MAP4K3: variants seen among roughly 807,000 people sequenced by gnomAD.
MAP4K3 encodes the protein mitogen-activated protein kinase kinase kinase kinase 3, also known as MAPK/ERK kinase kinase kinase 3.
MAP4K3 carries 94 observed loss-of-function variants against 143.5 expected under a neutral mutation model. The observed-to-expected ratio is 0.65, with a 90% CI of 0.55 to 0.78. The LOEUF is 0.78. Among genes scored for constraint, MAP4K3 ranks in the 30% least tolerant of loss-of-function variants. The pLI, the probability that MAP4K3 is intolerant of heterozygous loss-of-function variation, is 0.00. For missense variants in MAP4K3, 1,077 were observed against 1,068.1 expected, an observed-to-expected ratio of 1.01 and a Z score of -0.12; for synonymous variants, 416 against 347.2, an observed-to-expected ratio of 1.20 and a Z score of -2.20.
At chr2:39,350,857 A>G (rs1179174900) in intron 3 of MAP4K3, among the ~76,000 whole-genome samples, 1 of 152,090 alleles carries the variant, frequency 6.6e-6, no homozygotes, top group Non-Finnish European at 1.5e-5. Context: ...TATCTACTCC[A>G]ACTACACGTG....
chr2:39,405,698 T>C (rs1455162774), intron 1 of MAP4K3, among the ~76,000 whole-genome samples: 2 of 152,064 alleles, frequency 1.3e-5, no homozygotes, highest in Admixed American at 6.5e-5. Context: ...TGAAATGCCG[T>C]GTCTACAAAA....
rs56310841 is a variant in MAP4K3, at chr2:39,258,590, A to G, written c.2309-3T>C. On this transcript the variant is annotated splice_region_variant and splice_polypyrimidine_tract_variant and intron_variant, in intron 29 of 33. Transcript: ENST00000263881. ...AGTAACATTTGTCTGTGGGGTATCT[A>G]CAATACAAACAAATTTTGGTAAACC... 5.1e-4 allele frequency: 817 copies of G among 1,608,552 alleles called. 1 individual carries two copies. The African/African-American group carries it at 9.8e-3, about 19-fold the overall frequency.
chr2:39,339,921 T>C (rs1298499513), intron 4 of MAP4K3, among the ~76,000 whole-genome samples: 2 of 151,962 alleles, frequency 1.3e-5, no homozygotes, highest in African/African-American at 4.8e-5. Flanking sequence ...TCCAAAATTA[T>C]AAAATAAGTG....
intron 1 of MAP4K3, among the ~76,000 whole-genome samples, chr2:39,388,116 C>G (rs1359672660): frequency 6.6e-6 from 1 of 152,130 alleles, no homozygotes; most frequent in Admixed American, 6.5e-5. Context: ...GCAGACCACA[C>G]TAATAATATG....
At chr2:39,299,877 T>C (rs1682438591) in intron 15 of MAP4K3, 76 bp from the exon 16 acceptor site, 2 of 533,502 alleles carry the variant, frequency 3.7e-6, no homozygotes, top group Non-Finnish European at 3.1e-6. Flanking sequence ...ATATAATACA[T>C]ATTATTTTTA....
intron 15 of MAP4K3, among the ~76,000 whole-genome samples, chr2:39,301,330 C>CT (rs1166846415): frequency 6.6e-6 from 1 of 152,182 alleles, no homozygotes; most frequent in Non-Finnish European, 1.5e-5. Flanking sequence ...CATCTGTACT[C>CT]TTTAATTTGT....
chr2:39,427,295 T>C (rs534031877), intron 1 of MAP4K3, among the ~76,000 whole-genome samples: 51 of 151,952 alleles, frequency 3.4e-4, no homozygotes, highest in Non-Finnish European at 3.8e-4. Context: ...GTTTACCTTA[T>C]ACAGTTCCTC....
At chr2:39,267,913 C>T (rs1025324130) in intron 26 of MAP4K3, among the ~76,000 whole-genome samples, 3 of 152,118 alleles carry the variant, frequency 2.0e-5, no homozygotes, top group Admixed American at 1.3e-4. Flanking sequence ...CTACAGGTGG[C>T]AGTCAATTAC....
chr2:39,385,735 T>A (rs538058255), intron 1 of MAP4K3, among the ~76,000 whole-genome samples: 5 of 151,360 alleles, frequency 3.3e-5, no homozygotes, highest in African/African-American at 1.2e-4. Flanking sequence ...GTTCAAGCGA[T>A]TCTCCAGCCT....
intron 12 of MAP4K3, among the ~76,000 whole-genome samples, chr2:39,317,202 T>A (rs889192692): frequency 1.4e-4 from 21 of 152,132 alleles, no homozygotes; most frequent in Admixed American, 1.2e-3. Context: ...GATAACTGGT[T>A]AGCCATATAC....
At chr2:39,373,019 A>T (rs761058866) in intron 2 of MAP4K3, among the ~76,000 whole-genome samples, 10 of 152,194 alleles carry the variant, frequency 6.6e-5, no homozygotes, top group Non-Finnish European at 1.5e-4. Context: ...GAATGGCAGA[A>T]AATATCTGCA....
At chr2:39,316,151 A>C (rs1683107256) in intron 12 of MAP4K3, among the ~76,000 whole-genome samples, 1 of 152,114 alleles carries the variant, frequency 6.6e-6, no homozygotes, top group Non-Finnish European at 1.5e-5. Context: ...CCAATATTTA[A>C]TTATTTGCCT....
At chr2:39,388,760 C>T (rs1400814994) in intron 1 of MAP4K3, among the ~76,000 whole-genome samples, 2 of 152,108 alleles carry the variant, frequency 1.3e-5, no homozygotes. Flanking sequence ...ATTTTGAGGG[C>T]CAGGAGCCTC....
chr2:39,286,942 C>G lies in MAP4K3; in HGVS notation c.1497G>C (p.Gln499His), dbSNP rs1681804653. 1 of 1,605,792 alleles carries G rather than the reference C, an allele frequency of 6.2e-7. No homozygotes were observed. Among genetic ancestry groups the G allele is most frequent in the Admixed American group, 1.7e-5 (1 of 59,634 alleles). Residue 499 changes from glutamine (Q) to histidine (H), a missense_variant, in exon 21 of 34, where the codon CAG becomes CAC. Around this residue, in one of 2 missense-constraint regions of MAP4K3, gnomAD observed 864 missense variants for 801.2 expected, o/e 1.08. Coordinates refer to ENST00000263881, the MANE Select transcript of MAP4K3 (RefSeq NM_003618.4). The part of the protein sequence containing the change: ...VALGNGMSSF[Q>H]LNGERDGSLC... The stretch of plus-strand genomic sequence containing the variant: ...ATGAGCCATCTCGTTCACCATTTAA[C>G]TGGAAGGAGCTCATTCCATTTCCTT...
At chr2:39,353,690 G>A (rs1443732914) in intron 3 of MAP4K3, among the ~76,000 whole-genome samples, 3 of 152,076 alleles carry the variant, frequency 2.0e-5, no homozygotes, top group Non-Finnish European at 4.4e-5. Context: ...GACCAAATGA[G>A]GCACTAAAAT....
intron 19 of MAP4K3, among the ~76,000 whole-genome samples, chr2:39,289,037 G>C (rs1558624758): frequency 6.6e-6 from 1 of 152,162 alleles, no homozygotes; most frequent in Non-Finnish European, 1.5e-5. Context: ...GGGCGAAAGA[G>C]CGAGACTCCA....
At chr2:39,378,340 T>G (rs926903585) in intron 1 of MAP4K3, among the ~76,000 whole-genome samples, 1 of 152,216 alleles carries the variant, frequency 6.6e-6, no homozygotes, top group Non-Finnish European at 1.5e-5. Context: ...AATATACACT[T>G]AGATGTTAGT....
At chr2:39,384,859 C>T (rs530041574) in intron 1 of MAP4K3, among the ~76,000 whole-genome samples, 1 of 152,126 alleles carries the variant, frequency 6.6e-6, no homozygotes, top group Non-Finnish European at 1.5e-5. Context: ...ACCACCACCA[C>T]CATCAGGAAA....
At chr2:39,419,908 A>T (rs1667498547) in intron 1 of MAP4K3, among the ~76,000 whole-genome samples, 1 of 152,216 alleles carries the variant, frequency 6.6e-6, no homozygotes, top group Admixed American at 6.5e-5. Context: ...ATGGTGGAGC[A>T]CAGGATGGGG....
Sources: allele counts gnomAD v4.1 joint callset (sites outside exome capture counted in the v4.1 genomes callset), GRCh38; gene constraint gnomAD v4.1.1; regional missense constraint gnomAD v4.1.1; transcripts MANE v1.5; gene names NCBI Gene and HGNC (gene_info 2026-07-23, HGNC 2026-07-21).